ADGRL4: variants seen among roughly 807,000 people sequenced by gnomAD.
ADGRL4 encodes adhesion G protein-coupled receptor L4, also known as EGF, latrophilin and seven transmembrane domain containing 1.
A neutral mutation model predicts 74.8 loss-of-function variants in ADGRL4; 90 were observed. The ratio of observed to expected loss-of-function variants is 1.20; its 90% CI spans 1.02 to 1.43. The LOEUF is 1.43. ADGRL4 is among the 40% of genes most tolerant of loss of function. The pLI is 0.00. For synonymous variants in ADGRL4, 311 were observed against 279.2 expected, an observed-to-expected ratio of 1.11 and a Z score of -1.14; for missense variants, 881 against 814.3, an observed-to-expected ratio of 1.08 and a Z score of -1.00.
intron 2 of ADGRL4, among the ~76,000 whole-genome samples, chr1:78,990,510 T>C (rs1650586111): frequency 6.6e-6 from 1 of 151,958 alleles, no homozygotes; most frequent in Admixed American, 6.6e-5. Flanking sequence ...AGATTAACGC[T>C]ATACTTATTT....
chr1:78,952,070 A>G (rs12737583), intron 2 of ADGRL4, among the ~76,000 whole-genome samples: 4,416 of 152,222 alleles, frequency 0.029, 131 homozygotes, highest in Admixed American at 0.11. Flanking sequence ...TTGACCAAAG[A>G]TGGAGAAAAA....
chr1:78,976,503 C>T (rs1054708512), intron 2 of ADGRL4, among the ~76,000 whole-genome samples: 4 of 151,644 alleles, frequency 2.6e-5, no homozygotes, highest in Admixed American at 6.6e-5. Flanking sequence ...ACCTATATGT[C>T]TGTTTTAGTT....
intron 12 of ADGRL4, among the ~76,000 whole-genome samples, chr1:78,917,322 A>G (rs1200583235): frequency 6.6e-6 from 1 of 151,710 alleles, no homozygotes; most frequent in Non-Finnish European, 1.5e-5. Context: ...AGACATCTAT[A>G]CTCCATCAAG....
At chr1:78,896,644 C>G (rs79908495) in intron 12 of ADGRL4, among the ~76,000 whole-genome samples, 1 of 152,008 alleles carries the variant, frequency 6.6e-6, no homozygotes, top group Non-Finnish European at 1.5e-5. Flanking sequence ...CTTCAGAAAC[C>G]TCCTAATTGA....
chr1:78,899,800 T>A (rs1648481071), intron 12 of ADGRL4, among the ~76,000 whole-genome samples: 1 of 152,054 alleles, frequency 6.6e-6, no homozygotes. Flanking sequence ...GAGATTACCA[T>A]ATTAAGTGCC....
At chr1:78,932,106 C>T (rs1312776497) in intron 7 of ADGRL4, among the ~76,000 whole-genome samples, 1 of 151,468 alleles carries the variant, frequency 6.6e-6, no homozygotes, top group East Asian at 1.9e-4. Context: ...AACTCTTACC[C>T]CCAAATCAAC....
chr1:78,899,330 A>G (rs971308245), intron 12 of ADGRL4, among the ~76,000 whole-genome samples: 2 of 152,104 alleles, frequency 1.3e-5, no homozygotes, highest in African/African-American at 4.8e-5. Flanking sequence ...CAATCGTTAT[A>G]CCACTGCAGA....
At chr1:78,923,913 G>T (rs1649053472) in intron 8 of ADGRL4, among the ~76,000 whole-genome samples, 1 of 151,816 alleles carries the variant, frequency 6.6e-6, no homozygotes, top group South Asian at 2.1e-4. Context: ...AGATTACCAA[G>T]AAATCATTGT....
At chr1:78,960,303 A>G (rs944671997) in intron 2 of ADGRL4, among the ~76,000 whole-genome samples, 1 of 152,174 alleles carries the variant, frequency 6.6e-6, no homozygotes, top group Non-Finnish European at 1.5e-5. Flanking sequence ...GCACTTTATG[A>G]TTTTATATAT....
rs1266545462 is a variant in ADGRL4 at position 78,889,845 on chromosome 1, C to T, written c.*1309G>A. 6.5e-6 allele frequency: 3 copies of T among 463,870 alleles called. No homozygotes were observed. 28.7% of individuals were successfully genotyped at this position (463,870 alleles called of 1,614,324 possible). On this transcript the variant is annotated 3_prime_UTR_variant, in exon 15 of 15. Transcript: ENST00000370742. Reference sequence around the variant, plus strand: ...AGCTGGAGGAATTAATTTAAAATCACAAATTTAGTGTATTGGCACACTTTT... The same window carrying T: ...AGCTGGAGGAATTAATTTAAAATCATAAATTTAGTGTATTGGCACACTTTT...
intron 12 of ADGRL4, among the ~76,000 whole-genome samples, chr1:78,907,907 G>C (rs915706315): frequency 2.0e-5 from 3 of 151,850 alleles, no homozygotes; most frequent in Non-Finnish European, 4.4e-5. Context: ...TTGTCATTTT[G>C]ATCAGATACA....
At chr1:78,968,404 T>C (rs1650098554) in intron 2 of ADGRL4, among the ~76,000 whole-genome samples, 2 of 151,234 alleles carry the variant, frequency 1.3e-5, no homozygotes, top group African/African-American at 2.4e-5. Flanking sequence ...AAGGAATGTA[T>C]AGTAGTTTAT....
chr1:78,923,313 A>C lies in ADGRL4; in HGVS notation c.1084-1527T>G, dbSNP rs544898038. Among the ~76,000 whole-genome samples, 117 of 148,228 alleles carry C rather than the reference A, an allele frequency of 7.9e-4. 2 individuals carry two copies. The highest frequency in any genetic ancestry group is 1.8e-3 in the Admixed American group (27 of 15,132). On this transcript the variant is annotated intron_variant, in intron 8 of 14. Coordinates refer to ENST00000370742, the MANE Select transcript of ADGRL4 (RefSeq NM_022159.4). The stretch of plus-strand genomic sequence containing the variant: ...TTTTCTTAATTTTCCTAATCCTTTC[A>C]CCAGACTTCTGTCTGGGGTAGATAG...
At position 78,925,892 on chromosome 1, in the gene ADGRL4, A is replaced by T. The variant is rs529928519; in HGVS notation, c.1083+994T>A. Among the ~76,000 whole-genome samples, 12 of 152,210 alleles carry T rather than the reference A, an allele frequency of 7.9e-5. No individual in the cohort carries two copies. The South Asian group carries it at 2.3e-3, about 29-fold the overall frequency. On this transcript the variant is annotated intron_variant, in intron 8 of 14. Coordinates refer to ENST00000370742, the MANE Select transcript of ADGRL4 (RefSeq NM_022159.4). ...TGTAAAAGAACAGTGTTTGGTTTCTAGTATTAAAAACGTCTTTTGCATTTA... is the reference window on the plus strand; with the variant it reads ...TGTAAAAGAACAGTGTTTGGTTTCTTGTATTAAAAACGTCTTTTGCATTTA...
chr1:78,917,332 G>A (rs1004456436), intron 12 of ADGRL4, among the ~76,000 whole-genome samples: 2 of 151,582 alleles, frequency 1.3e-5, no homozygotes, highest in Non-Finnish European at 2.9e-5. Context: ...ACTCCATCAA[G>A]AGGGGCAAAT....
intron 2 of ADGRL4, among the ~76,000 whole-genome samples, chr1:78,969,809 A>G (rs1024080466): frequency 1.3e-5 from 2 of 151,862 alleles, no homozygotes; most frequent in African/African-American, 4.8e-5. Flanking sequence ...TTTCACCTAC[A>G]TTTTAGAGTA....
chr1:78,985,343 G>A (rs1417527453), intron 2 of ADGRL4, among the ~76,000 whole-genome samples: 1 of 151,710 alleles, frequency 6.6e-6, no homozygotes, highest in Non-Finnish European at 1.5e-5. Flanking sequence ...AAGGATTTGA[G>A]TGATGATTTG....
At chr1:78,976,666 C>T (rs193286678) in intron 2 of ADGRL4, among the ~76,000 whole-genome samples, 153 of 151,150 alleles carry the variant, frequency 1.0e-3, no homozygotes, top group Non-Finnish European at 1.6e-3. Flanking sequence ...AAAAGTTTGC[C>T]AACGCTTGAC....
At chr1:79,002,813 C>T (rs1650871814) in intron 2 of ADGRL4, among the ~76,000 whole-genome samples, 1 of 152,038 alleles carries the variant, frequency 6.6e-6, no homozygotes, top group South Asian at 2.1e-4. Flanking sequence ...GATCAAAGTG[C>T]TTAATAAACA....
Sources: gnomAD v4.1 joint callset for allele counts (sites outside exome capture counted in the v4.1 genomes callset) on GRCh38, gnomAD v4.1.1 for gene constraint, MANE v1.5 for transcripts, NCBI Gene and HGNC (gene_info 2026-07-23, HGNC 2026-07-21) for gene names.